Variants in SPATA18 observed in about 807,000 individuals in gnomAD.
SPATA18 encodes spermatogenesis associated 18.
Under a neutral mutation model 68.1 loss-of-function variants are expected in SPATA18, and 54 were observed. The observed-to-expected ratio is 0.79, with a 90% CI of 0.64 to 0.99. The LOEUF is 0.99. Ranked by LOEUF, SPATA18 falls within the 50% of genes least tolerant of loss-of-function variation. The pLI is 0.00. For synonymous variants in SPATA18, 242 were observed against 244.8 expected (o/e 0.99, Z 0.11); for missense variants, 724 against 681.1 (o/e 1.06, Z -0.70).
chr4:52,084,642 G>T (rs1417361430), intron 10 of SPATA18, among the ~76,000 whole-genome samples: 1 of 152,138 alleles, frequency 6.6e-6, no homozygotes, highest in Non-Finnish European at 1.5e-5. Context: ...ATTTCCAATA[G>T]CTTACTCATA....
rs184199650 is a variant in SPATA18, at chr4:52,067,354, T to G, written c.423-2467T>G. 3.9e-3 allele frequency among the ~76,000 whole-genome samples: 588 copies of G among 152,288 alleles called. 4 individuals carry two copies. Among genetic ancestry groups the G allele is most frequent in the African/African-American group, 0.013 (555 of 41,570 alleles). On this transcript the variant is annotated intron_variant, in intron 4 of 12. Transcript: ENST00000295213. ...CCCATTTTTTGATGGGGTTGTTTGT[T>G]TTTTTCTTTTAAGTTTGTTTAAGTA...
intron 11 of SPATA18, among the ~76,000 whole-genome samples, chr4:52,088,912 T>G (rs902191795): frequency 6.6e-6 from 1 of 152,200 alleles, no homozygotes; most frequent in African/African-American, 2.4e-5. Context: ...CGTCTGGTCC[T>G]GGACTTTTTT....
In SPATA18 at chr4:52,079,867, C is replaced by T; in HGVS notation, c.1303C>T (p.Pro435Ser). ...TGCCTTTGCAATGCAGGCCTTAGAA[C>T]CACCCCTAGATATTGCATATGGAGC... ...CIAFAMQALE[P>S]PLDIAYGADG... The change falls in exon 9 of 13, where the codon CCA becomes TCA. Residue 435 changes from proline (P) to serine (S), a missense_variant. By Grantham distance (74) the Pro-to-Ser change is moderately conservative. Coordinates refer to ENST00000295213, the MANE Select transcript of SPATA18 (RefSeq NM_145263.4). 1 of 1,614,024 alleles carries T rather than the reference C, an allele frequency of 6.2e-7. No homozygotes were observed. Among genetic ancestry groups the T allele is most frequent in the Admixed American group, 1.7e-5 (1 of 60,018 alleles).
Position 52,079,754 on chromosome 4 carries a change from G to A in SPATA18, c.1190G>A (p.Arg397Gln), listed in dbSNP as rs201983741. 7.4e-5 allele frequency: 119 copies of A among 1,613,702 alleles called. No individual in the cohort carries two copies. Among genetic ancestry groups the A allele is most frequent in the Non-Finnish European group, 9.5e-5 (112 of 1,179,868 alleles). Residue 397 changes from arginine (R) to glutamine (Q), a missense_variant, in exon 9 of 13, where the codon CGA becomes CAA. Arg to Gln is a conservative substitution (Grantham distance 43). Coordinates refer to ENST00000295213, the MANE Select transcript of SPATA18 (RefSeq NM_145263.4). ...DSQSSVNDVI[R>Q]AMNVNPKISF... ...TCTTTTGTTTTTCAGGATGTGATCC[G>A]AGCCATGAATGTCAATCCCAAGATT...
intron 10 of SPATA18, chr4:52,082,805 C>T: frequency 8.2e-7 from 1 of 1,213,168 alleles, no homozygotes; most frequent in South Asian, 1.8e-5. Flanking sequence ...AAACAAAGCC[C>T]TTTGAAGTTA....
chr4:52,092,693 G>A (rs989667280), intron 11 of SPATA18, among the ~76,000 whole-genome samples: 2 of 152,172 alleles, frequency 1.3e-5, no homozygotes, highest in Non-Finnish European at 2.9e-5. Flanking sequence ...ACTTTAATGA[G>A]CATCTATTGT....
chr4:52,053,466 C>A (rs917111577), intron 1 of SPATA18, among the ~76,000 whole-genome samples: 3 of 152,138 alleles, frequency 2.0e-5, no homozygotes, highest in Non-Finnish European at 2.9e-5. Flanking sequence ...TATTCTTCCC[C>A]CTCCACTCCT....
In SPATA18 at chr4:52,096,275, G is replaced by C. The variant is rs1742415943; in HGVS notation, c.*1388G>C. 6.6e-6 allele frequency: 1 copy of C among 152,012 alleles called. No homozygotes were observed. Among genetic ancestry groups the C allele is most frequent in the Admixed American group, 6.6e-5 (1 of 15,236 alleles). 9.4% of individuals were successfully genotyped at this position (152,012 alleles called of 1,614,324 possible). A position where few individuals can be genotyped will look rare whatever the true frequency, so the allele number is the denominator to read the frequency against. On this transcript the variant is annotated 3_prime_UTR_variant, in exon 13 of 13. Transcript: ENST00000295213. ...CAGTGTGCTGGAAGGAGCACTATCT[G>C]CCTAGGTAACTGCTAGTCATGACTT...
intron 4 of SPATA18, among the ~76,000 whole-genome samples, chr4:52,068,526 G>A (rs1739520166): frequency 1.3e-5 from 2 of 152,196 alleles, no homozygotes; most frequent in African/African-American, 2.4e-5. Flanking sequence ...TTGCCGAGTG[G>A]GCATTTATTA....
At position 52,060,701 on chromosome 4, in the gene SPATA18, A is replaced by T; in HGVS notation, c.194-81A>T. ...ACTTTAAGTTTTAGGGTACATGTACACAACGTGCAGGTTAGTTACATATGT... is the reference window on the plus strand; with the variant it reads ...ACTTTAAGTTTTAGGGTACATGTACTCAACGTGCAGGTTAGTTACATATGT... On this transcript the variant is annotated intron_variant, in intron 2 of 12. Coordinates refer to ENST00000295213, the MANE Select transcript of SPATA18 (RefSeq NM_145263.4). The T allele has an allele frequency of 2.4e-6, 3 of 1,254,844 alleles. No homozygotes were observed. The East Asian group carries it at 7.0e-5, about 29-fold the overall frequency. The allele number at this position is 1,254,844 out of a possible 1,614,324, so 77.7% of individuals were successfully genotyped here.
In SPATA18 at chr4:52,076,723, C is replaced by G. The variant is rs1197715417; in HGVS notation, c.759-56C>G. 4 of 1,592,586 alleles carry G rather than the reference C, an allele frequency of 2.5e-6. No individual in the cohort carries two copies. In the South Asian group the frequency reaches 4.6e-5, roughly 18 times the overall value. On this transcript the variant is annotated intron_variant, in intron 6 of 12. Coordinates refer to ENST00000295213, the MANE Select transcript of SPATA18 (RefSeq NM_145263.4). ...TTCATTGGCCACCAGATGATCTTTG[C>G]TTTACTTAAGAAGCAAATCAAAGGA...
intron 4 of SPATA18, 62 bp from the exon 5 acceptor site, chr4:52,069,759 C>T: frequency 7.7e-7 from 1 of 1,304,366 alleles, no homozygotes; most frequent in Non-Finnish European, 1.0e-6. Context: ...GAGCCTCTGC[C>T]TTGATTTAGA....
intron 11 of SPATA18, 48 bp downstream of exon 11, chr4:52,085,047 CTTTT>C (rs10556262): frequency 2.3e-3 from 2,664 of 1,138,862 alleles, no homozygotes; most frequent in South Asian, 5.3e-3. Flanking sequence ...CTATGGTTGG[CTTTT>C]TTTTTTTTTT....
chr4:52,070,009 C>A (rs1578168249), intron 5 of SPATA18, 93 bp downstream of exon 5: 2 of 567,596 alleles, frequency 3.5e-6, no homozygotes, highest in Non-Finnish European at 5.3e-6. Flanking sequence ...TGTTCACTAT[C>A]AGAGAGAAAA....
chr4:52,070,822 A>G (rs560298829), intron 5 of SPATA18, among the ~76,000 whole-genome samples: 28 of 152,310 alleles, frequency 1.8e-4, no homozygotes, highest in African/African-American at 6.3e-4. Context: ...TCTCATAAAA[A>G]AATAAGGTTA....
intron 1 of SPATA18, among the ~76,000 whole-genome samples, chr4:52,056,809 G>A (rs1738387902): frequency 6.6e-6 from 1 of 152,072 alleles, no homozygotes. Context: ...GTCTGCTTTT[G>A]CCAGACAGAT....
intron 1 of SPATA18, among the ~76,000 whole-genome samples, chr4:52,059,257 G>A (rs1408628594): frequency 6.6e-6 from 1 of 152,136 alleles, no homozygotes; most frequent in Non-Finnish European, 1.5e-5. Context: ...TATCTGCCTT[G>A]TACGCTGTTT....
At chr4:52,073,356 T>C (rs1280130126) in intron 6 of SPATA18, among the ~76,000 whole-genome samples, 1 of 152,188 alleles carries the variant, frequency 6.6e-6, no homozygotes, top group Non-Finnish European at 1.5e-5. Flanking sequence ...TCAGGCTAGC[T>C]AGTCTGATAA....
At chr4:52,087,613 T>C (rs1451585609) in intron 11 of SPATA18, among the ~76,000 whole-genome samples, 3 of 152,214 alleles carry the variant, frequency 2.0e-5, no homozygotes, top group African/African-American at 7.2e-5. Context: ...GCCTCTGTTC[T>C]GTTCCATTGG....
Sources: allele counts gnomAD v4.1 joint callset (sites outside exome capture counted in the v4.1 genomes callset), GRCh38; gene constraint gnomAD v4.1.1; transcripts MANE v1.5; gene names NCBI Gene and HGNC (gene_info 2026-07-23, HGNC 2026-07-21).